PLCB1: variants seen among roughly 807,000 people sequenced by gnomAD.
PLCB1 encodes the protein 1-phosphatidylinositol 4,5-bisphosphate phosphodiesterase beta-1.
In PLCB1, 46 loss-of-function variants were observed where a neutral mutation model predicts 161.8. That is an observed-to-expected ratio of 0.28 (90% CI 0.22 to 0.36). The LOEUF (loss-of-function observed/expected upper bound fraction) is 0.36. PLCB1 is among the 10% of genes least tolerant of loss of function. PLCB1 has a pLI of 1.00. For synonymous variants in PLCB1, 517 were observed against 503.7 expected (o/e 1.03, Z -0.35); for missense variants, 1,016 against 1,472.5 (o/e 0.69, Z 5.07).
intron 2 of PLCB1, among the ~76,000 whole-genome samples, chr20:8,253,026 C>T (rs1025072136): frequency 6.6e-6 from 1 of 151,894 alleles, no homozygotes; most frequent in African/African-American, 2.4e-5. Flanking sequence ...TTTGGATTAA[C>T]AATAATATGG....
chr20:8,234,881 T>C (rs1024179668), intron 2 of PLCB1, among the ~76,000 whole-genome samples: 1 of 152,144 alleles, frequency 6.6e-6, no homozygotes, highest in African/African-American at 2.4e-5. Context: ...AATATAATGC[T>C]TACTGGCTTA....
At chr20:8,506,116 A>C (rs1983626136) in intron 3 of PLCB1, among the ~76,000 whole-genome samples, 1 of 152,228 alleles carries the variant, frequency 6.6e-6, no homozygotes, top group Non-Finnish European at 1.5e-5. Flanking sequence ...TTTGTTTAAC[A>C]TAACACTTGA....
At chr20:8,742,897 C>T (rs2123524751) in intron 23 of PLCB1, among the ~76,000 whole-genome samples, 1 of 152,268 alleles carries the variant, frequency 6.6e-6, no homozygotes, top group Non-Finnish European at 1.5e-5. Context: ...TTTTTGTACA[C>T]TGATTTTTAA....
intron 31 of PLCB1, among the ~76,000 whole-genome samples, chr20:8,818,096 G>A (rs920469770): frequency 4.6e-5 from 7 of 152,124 alleles, no homozygotes; most frequent in African/African-American, 1.2e-4. Context: ...AGAGCAAATA[G>A]GTACAGGAGA....
At chr20:8,359,438 G>T (rs1438512947) in intron 2 of PLCB1, among the ~76,000 whole-genome samples, 1 of 152,056 alleles carries the variant, frequency 6.6e-6, no homozygotes, top group Non-Finnish European at 1.5e-5. Context: ...GTAAAATAAA[G>T]AGAATATGAA....
In PLCB1 at chr20:8,605,398, C is replaced by T. The variant is rs369425072; in HGVS notation, c.247-22896C>T. Among the ~76,000 whole-genome samples, 4 of 152,022 alleles carry T rather than the reference C, an allele frequency of 2.6e-5. No homozygotes were observed. In the East Asian group the frequency reaches 5.8e-4, roughly 22 times the overall value. ...GTTCACTTGATTAATTTTGAATTCC[C>T]CTTAATTGAACACACTTAATACTTC... is the stretch of plus-strand genomic sequence containing the variant. On this transcript the variant is annotated intron_variant, in intron 3 of 31. Coordinates refer to ENST00000338037, the MANE Select transcript of PLCB1 (RefSeq NM_015192.4).
intron 31 of PLCB1, among the ~76,000 whole-genome samples, chr20:8,819,281 A>G (rs1341193419): frequency 6.6e-6 from 1 of 152,208 alleles, no homozygotes; most frequent in African/African-American, 2.4e-5. Context: ...CAGGCTTTTC[A>G]ATAAACATTG....
In PLCB1 at chr20:8,533,382, A is replaced by T. The variant is rs371326090; in HGVS notation, c.247-94912A>T. Among the ~76,000 whole-genome samples, 11 of 151,418 alleles carry T rather than the reference A, an allele frequency of 7.3e-5. No homozygotes were observed. The South Asian group carries it at 1.9e-3, about 26-fold the overall frequency. Reference sequence around the variant, plus strand: ...ATATTCCTTTGGGTATATACCCAGTAATGGGATGGCTGGGTCAAATGGTAT... The same window carrying T: ...ATATTCCTTTGGGTATATACCCAGTTATGGGATGGCTGGGTCAAATGGTAT... On this transcript the variant is annotated intron_variant, in intron 3 of 31. Transcript: ENST00000338037.
intron 20 of PLCB1, among the ~76,000 whole-genome samples, chr20:8,738,512 A>G (rs894289799): frequency 1.3e-5 from 2 of 152,294 alleles, no homozygotes; most frequent in South Asian, 4.1e-4. Flanking sequence ...TAACCTGCAC[A>G]TTGTGCACAT....
At chr20:8,836,473 T>A (rs1986289801) in intron 31 of PLCB1, among the ~76,000 whole-genome samples, 1 of 152,196 alleles carries the variant, frequency 6.6e-6, no homozygotes, top group Non-Finnish European at 1.5e-5. Context: ...CTGATACAGA[T>A]TTTTGTCCCA....
chr20:8,187,034 A>C (rs576784637), intron 2 of PLCB1, among the ~76,000 whole-genome samples: 1 of 152,162 alleles, frequency 6.6e-6, no homozygotes, highest in African/African-American at 2.4e-5. Context: ...AGAGATCCCT[A>C]TAGGGATTCT....
At chr20:8,170,205 A>G (rs1027676250) in intron 2 of PLCB1, among the ~76,000 whole-genome samples, 4 of 152,206 alleles carry the variant, frequency 2.6e-5, no homozygotes, top group Non-Finnish European at 2.9e-5. Flanking sequence ...AAACTATTCT[A>G]TCCATTGTTA....
intron 2 of PLCB1, among the ~76,000 whole-genome samples, chr20:8,326,952 C>G (rs1030245213): frequency 2.0e-5 from 3 of 152,334 alleles, no homozygotes; most frequent in African/African-American, 7.2e-5. Flanking sequence ...GTGGCACAAT[C>G]ATGATTCACT....
At chr20:8,609,121 A>G (rs535717362) in intron 3 of PLCB1, among the ~76,000 whole-genome samples, 3 of 152,344 alleles carry the variant, frequency 2.0e-5, no homozygotes, top group Non-Finnish European at 4.4e-5. Flanking sequence ...TCATATATGC[A>G]GTAGGCATGT....
chr20:8,699,560 AC>A (rs1371039077), intron 11 of PLCB1, among the ~76,000 whole-genome samples: 7 of 152,172 alleles, frequency 4.6e-5, no homozygotes, highest in Admixed American at 6.6e-5. Flanking sequence ...AAGATCCCAA[AC>A]CCCAGCTTCT....
intron 2 of PLCB1, among the ~76,000 whole-genome samples, chr20:8,331,341 C>T (rs377482534): frequency 6.0e-5 from 9 of 149,866 alleles, no homozygotes; most frequent in East Asian, 3.9e-4. Context: ...AGATTCAATA[C>T]GTGTGAAGTT....
chr20:8,526,099 C>A (rs1241028438), intron 3 of PLCB1, among the ~76,000 whole-genome samples: 1 of 151,976 alleles, frequency 6.6e-6, no homozygotes, highest in East Asian at 1.9e-4. Flanking sequence ...GTGGAGATAC[C>A]TGAGTATGTT....
intron 2 of PLCB1, among the ~76,000 whole-genome samples, chr20:8,203,604 G>C (rs556909393): frequency 6.6e-6 from 1 of 152,060 alleles, no homozygotes; most frequent in African/African-American, 2.4e-5. Flanking sequence ...AGATGTGCTT[G>C]TTCAGGGAGA....
In PLCB1 at chr20:8,866,207, G is replaced by A. The variant is rs73089642; in HGVS notation, c.3424-15415G>A. Among the ~76,000 whole-genome samples the A allele has an allele frequency of 3.3e-3, 501 of 152,306 alleles. 1 individual carries two copies. The highest frequency in any genetic ancestry group is 6.0e-3 in the Non-Finnish European group (409 of 68,022). On this transcript the variant is annotated intron_variant, in intron 31 of 31. Transcript: ENST00000338037. The stretch of plus-strand genomic sequence containing the variant: ...GACGAAGAAGGAAATGGGAAAAGAG[G>A]GAGATGTCCAATATTCTCTAGCAGA...
Sources: allele counts gnomAD v4.1 joint callset (sites outside exome capture counted in the v4.1 genomes callset), GRCh38; gene constraint gnomAD v4.1.1; transcripts MANE v1.5; gene names NCBI Gene and HGNC (gene_info 2026-07-23, HGNC 2026-07-21).